SGCZ: variants seen among roughly 807,000 people sequenced by gnomAD.
SGCZ encodes zeta-sarcoglycan.
A neutral mutation model predicts 41.3 loss-of-function variants in SGCZ; 40 were observed. The ratio of observed to expected loss-of-function variants is 0.97; its 90% CI spans 0.75 to 1.26. The LOEUF (loss-of-function observed/expected upper bound fraction) is 1.26. Among genes scored for constraint, SGCZ ranks in the 50% most tolerant of loss-of-function variants. SGCZ has a pLI of 0.00. For synonymous variants in SGCZ, 206 were observed against 137.5 expected (o/e 1.50, Z -3.49); for missense variants, 552 against 369.8 (o/e 1.49, Z -4.04).
intron 1 of SGCZ, among the ~76,000 whole-genome samples, chr8:14,851,965 T>A (rs1423714767): frequency 6.6e-6 from 1 of 152,118 alleles, no homozygotes; most frequent in Non-Finnish European, 1.5e-5. Context: ...CATAAGAAAG[T>A]TTATTAAACT....
chr8:14,199,256 C>T (rs1037783234), intron 4 of SGCZ, among the ~76,000 whole-genome samples: 5 of 151,992 alleles, frequency 3.3e-5, no homozygotes, highest in African/African-American at 4.8e-5. Flanking sequence ...GCTGTCATAG[C>T]GGACAGATGA....
chr8:14,920,109 G>C (rs1563363722), intron 1 of SGCZ, among the ~76,000 whole-genome samples: 1 of 151,998 alleles, frequency 6.6e-6, no homozygotes, highest in Non-Finnish European at 1.5e-5. Context: ...GGGCTGCTTT[G>C]GGTAAATTTT....
At chr8:14,393,689 C>G (rs546287676) in intron 2 of SGCZ, among the ~76,000 whole-genome samples, 1 of 152,262 alleles carries the variant, frequency 6.6e-6, no homozygotes, top group East Asian at 1.9e-4. Context: ...CTCTGTTGCT[C>G]AATTCCTCCT....
intron 1 of SGCZ, among the ~76,000 whole-genome samples, chr8:15,025,539 T>G (rs1803423516): frequency 6.6e-6 from 1 of 152,154 alleles, no homozygotes; most frequent in African/African-American, 2.4e-5. Flanking sequence ...AAAGAAAGTA[T>G]ACAGTGGTCA....
At chr8:14,312,360 G>A (rs551294186) in intron 3 of SGCZ, among the ~76,000 whole-genome samples, 3 of 152,152 alleles carry the variant, frequency 2.0e-5, no homozygotes, top group Admixed American at 1.3e-4. Context: ...TCTCTTCATC[G>A]TGACTTAGAG....
chr8:14,932,145 A>T (rs1478472093), intron 1 of SGCZ, among the ~76,000 whole-genome samples: 2 of 152,028 alleles, frequency 1.3e-5, no homozygotes, highest in Admixed American at 1.3e-4. Flanking sequence ...TGAAGAAAAT[A>T]ACATAGTACA....
chr8:15,042,603 T>C (rs952154668), intron 1 of SGCZ, among the ~76,000 whole-genome samples: 1 of 152,216 alleles, frequency 6.6e-6, no homozygotes, highest in Non-Finnish European at 1.5e-5. Flanking sequence ...TATGGGTTAA[T>C]ACATGTTGCC....
intron 1 of SGCZ, among the ~76,000 whole-genome samples, chr8:14,801,877 C>A (rs969367529): frequency 1.3e-5 from 2 of 152,156 alleles, no homozygotes; most frequent in Admixed American, 1.3e-4. Context: ...GGAAACCTGG[C>A]AAGTTTCCTA....
intron 1 of SGCZ, among the ~76,000 whole-genome samples, chr8:15,125,813 C>T (rs1302472946): frequency 6.6e-6 from 1 of 152,070 alleles, no homozygotes. Context: ...TAAACTTTTA[C>T]AAGTTTGTTT....
At chr8:15,031,593 T>C (rs565546614) in intron 1 of SGCZ, among the ~76,000 whole-genome samples, 2 of 152,288 alleles carry the variant, frequency 1.3e-5, no homozygotes, top group South Asian at 4.1e-4. Flanking sequence ...TCAAGGAATA[T>C]GTGCAAGGTT....
chr8:14,248,188 C>T (rs1799171743), intron 3 of SGCZ, among the ~76,000 whole-genome samples: 1 of 152,168 alleles, frequency 6.6e-6, no homozygotes. Flanking sequence ...ACTGTACAAA[C>T]ATTTTTCCCA....
chr8:14,411,477 T>C (rs1272201202), intron 2 of SGCZ, among the ~76,000 whole-genome samples: 3 of 152,066 alleles, frequency 2.0e-5, no homozygotes, highest in African/African-American at 7.2e-5. Flanking sequence ...AAGTTTATAA[T>C]GACATTACCG....
chr8:15,127,233 CACACACACACACACACACACACAAACAA>C lies in SGCZ; in HGVS notation c.39+110324_39+110351del, dbSNP rs1220458283. Among the ~76,000 whole-genome samples the C allele has an allele frequency of 1.9e-4, 3 of 16,060 alleles. No individual in the cohort carries two copies. In the East Asian group the frequency reaches 9.0e-3, roughly 48 times the overall value. 10.5% of individuals were successfully genotyped at this position (16,060 alleles called of 152,430 possible). On this transcript the variant is annotated intron_variant, in intron 1 of 7. Transcript: ENST00000382080. ...TGTAAAAAGTAGAAACATCTATAGG[CACACACACACACACACACACACAAACAA>C]ACACACACACACACACACACACACA...
At position 14,089,673 on chromosome 8, in the gene SGCZ, C is replaced by T. The variant is rs564881919; in HGVS notation, c.*770G>A. 5.9e-5 allele frequency among the ~76,000 whole-genome samples: 9 copies of T among 152,058 alleles called. No homozygotes were observed. The highest frequency in any genetic ancestry group is 4.1e-4 in the South Asian group (2 of 4,824). On this transcript the variant is annotated 3_prime_UTR_variant, in exon 8 of 8. Coordinates refer to ENST00000382080, the MANE Select transcript of SGCZ (RefSeq NM_139167.4). ...GTAGATGTTTTGTTAAAAGCAAATA[C>T]GTCACATGCAGTAGCCATGTAAATA...
At position 14,881,346 on chromosome 8, in the gene SGCZ, C is replaced by T. The variant is rs368068981; in HGVS notation, c.40-326420G>A. On this transcript the variant is annotated intron_variant, in intron 1 of 7. Coordinates refer to ENST00000382080, the MANE Select transcript of SGCZ (RefSeq NM_139167.4). The stretch of plus-strand genomic sequence containing the variant: ...TATTTGTTTTTTCCTTTGCTCCTAA[C>T]CTGAATCCCACTCCATTTCGACCCC... 2.1e-4 allele frequency among the ~76,000 whole-genome samples: 32 copies of T among 152,150 alleles called. No homozygotes were observed. In the East Asian group the frequency reaches 6.2e-3, roughly 29 times the overall value.
intron 1 of SGCZ, among the ~76,000 whole-genome samples, chr8:15,089,891 G>C (rs1806087134): frequency 6.6e-6 from 1 of 152,148 alleles, no homozygotes; most frequent in African/African-American, 2.4e-5. Context: ...GTTCAGAGAA[G>C]ACTAATGAGA....
At chr8:14,568,444 G>GAAAAA (rs386360409) in intron 1 of SGCZ, among the ~76,000 whole-genome samples, 4 of 127,784 alleles carry the variant, frequency 3.1e-5, no homozygotes, top group South Asian at 2.5e-4. Context: ...TACATTATCA[G>GAAAAA]AAAAAAAAAA....
chr8:14,635,373 C>G (rs1806795196), intron 1 of SGCZ, among the ~76,000 whole-genome samples: 1 of 151,868 alleles, frequency 6.6e-6, no homozygotes. Context: ...AATGATCTCA[C>G]TTAATCTATT....
chr8:14,230,766 T>TGGGGG (rs774569313), intron 4 of SGCZ, among the ~76,000 whole-genome samples: 1 of 92,744 alleles, frequency 1.1e-5, no homozygotes, highest in Non-Finnish European at 2.3e-5. Flanking sequence ...TTGGTGGTGG[T>TGGGGG]GGGGGGGTGG....
Sources: allele counts gnomAD v4.1 joint callset (sites outside exome capture counted in the v4.1 genomes callset), GRCh38; gene constraint gnomAD v4.1.1; transcripts MANE v1.5; gene names NCBI Gene and HGNC (gene_info 2026-07-23, HGNC 2026-07-21).